The following JAKMIP2 variants were observed in gnomAD, a reference collection of about 807,000 sequenced individuals.
The protein encoded by JAKMIP2 is janus kinase and microtubule interacting protein 2.
A neutral mutation model predicts 115.0 loss-of-function variants in JAKMIP2; 25 were observed. That is an observed-to-expected ratio of 0.22 (90% CI 0.16 to 0.30). The LOEUF (loss-of-function observed/expected upper bound fraction) is 0.30, where lower values mean the gene tolerates loss of function less well. Among genes scored for constraint, JAKMIP2 ranks in the 10% least tolerant of loss-of-function variants. The probability of loss-of-function intolerance (pLI) is 1.00; values close to 1 mark genes in which losing one functional copy is unlikely to be tolerated. For synonymous variants in JAKMIP2, 334 were observed against 343.6 expected, an observed-to-expected ratio of 0.97 and a Z score of 0.31; for missense variants, 642 against 957.6, an observed-to-expected ratio of 0.67 and a Z score of 4.35.
chr5:147,608,318 T>C (rs999374745), intron 20 of JAKMIP2, among the ~76,000 whole-genome samples: 4 of 152,224 alleles, frequency 2.6e-5, no homozygotes, highest in Non-Finnish European at 4.4e-5. Context: ...TTTAGTGCTA[T>C]AAATTTCCCT....
chr5:147,600,118 G>A (rs548329756), intron 21 of JAKMIP2, among the ~76,000 whole-genome samples: 208 of 137,342 alleles, frequency 1.5e-3, no homozygotes, highest in Middle Eastern at 3.9e-3. Flanking sequence ...TTTTGGTGGG[G>A]GGAGGCTGTT....
intron 20 of JAKMIP2, among the ~76,000 whole-genome samples, chr5:147,606,535 G>T (rs1390041138): frequency 6.6e-6 from 1 of 152,034 alleles, no homozygotes; most frequent in East Asian, 1.9e-4. Context: ...CTGTTCCATT[G>T]GTCTATATAT....
intron 1 of JAKMIP2, among the ~76,000 whole-genome samples, chr5:147,745,022 C>T (rs1012929636): frequency 4.1e-5 from 6 of 146,872 alleles, no homozygotes; most frequent in African/African-American, 7.6e-5. Flanking sequence ...CATGCCACTG[C>T]GCTCCAACCT....
intron 1 of JAKMIP2, among the ~76,000 whole-genome samples, chr5:147,778,019 T>A (rs1308307299): frequency 6.6e-6 from 1 of 152,124 alleles, no homozygotes; most frequent in Admixed American, 6.5e-5. Flanking sequence ...GGTGGAGAGA[T>A]AATTAGGACA....
intron 1 of JAKMIP2, among the ~76,000 whole-genome samples, chr5:147,722,155 A>T (rs1236989789): frequency 6.6e-6 from 1 of 152,224 alleles, no homozygotes; most frequent in Non-Finnish European, 1.5e-5. Context: ...ATTTTAAAAA[A>T]TCAACCGATT....
intron 21 of JAKMIP2, among the ~76,000 whole-genome samples, chr5:147,597,047 ATT>A (rs34946624): frequency 0.94 from 136,155 of 145,308 alleles, 64,082 homozygotes; most frequent in Non-Finnish European, 0.99. Flanking sequence ...TAATTTTTGT[ATT>A]TTTTTTTTTT....
At chr5:147,759,415 C>T (rs1754855052) in intron 1 of JAKMIP2, among the ~76,000 whole-genome samples, 1 of 152,056 alleles carries the variant, frequency 6.6e-6, no homozygotes, top group African/African-American at 2.4e-5. Context: ...GAACTCTGAT[C>T]TAGAGCATTT....
rs79616096 is a variant in JAKMIP2, at chr5:147,616,080, C to A, written c.2346+1831G>T. Among the ~76,000 whole-genome samples, 455 of 152,168 alleles carry A rather than the reference C, an allele frequency of 3.0e-3. 5 individuals are homozygous for A. The highest frequency in any genetic ancestry group is 9.5e-3 in the African/African-American group (394 of 41,502). On this transcript the variant is annotated intron_variant, in intron 19 of 21. Coordinates refer to ENST00000616793, the MANE Select transcript of JAKMIP2 (RefSeq NM_001270941.2). Reference sequence around the variant, plus strand: ...ATTTGAGATATGGTAATTCTACTGACTAAGACAGGCAGATGGGGAGAGAGA... The same window carrying A: ...ATTTGAGATATGGTAATTCTACTGAATAAGACAGGCAGATGGGGAGAGAGA...
chr5:147,746,182 A>G (rs1754341229), intron 1 of JAKMIP2, among the ~76,000 whole-genome samples: 1 of 152,190 alleles, frequency 6.6e-6, no homozygotes, highest in African/African-American at 2.4e-5. Flanking sequence ...CAGAGGAAAT[A>G]GGTATATTTA....
chr5:147,618,529 G>C (rs142301907), intron 18 of JAKMIP2, among the ~76,000 whole-genome samples: 227 of 152,244 alleles, frequency 1.5e-3, no homozygotes, highest in African/African-American at 5.2e-3. Context: ...CTGAGGTCAG[G>C]AGTTCGAGAC....
At position 147,588,116 on chromosome 5, in the gene JAKMIP2, G is replaced by A. The variant is rs1252698601; in HGVS notation, c.*3591C>T. 6.6e-6 allele frequency: 1 copy of A among 152,058 alleles called. No homozygotes were observed. Among genetic ancestry groups the A allele is most frequent in the African/African-American group, 2.4e-5 (1 of 41,404 alleles). The allele number at this position is 152,058 out of a possible 1,614,324, so 9.4% of individuals were successfully genotyped here. Reference sequence around the variant, plus strand: ...AAAGAAAAGTTTGACATTCAATTTAGTAATAGATGCTTTTTAAGTATGATA... The same window carrying A: ...AAAGAAAAGTTTGACATTCAATTTAATAATAGATGCTTTTTAAGTATGATA... On this transcript the variant is annotated 3_prime_UTR_variant, in exon 22 of 22. Coordinates refer to ENST00000616793, the MANE Select transcript of JAKMIP2 (RefSeq NM_001270941.2).
intron 18 of JAKMIP2, among the ~76,000 whole-genome samples, chr5:147,619,932 A>C (rs1756769010): frequency 6.6e-6 from 1 of 152,222 alleles, no homozygotes; most frequent in Non-Finnish European, 1.5e-5. Flanking sequence ...TGTAAGAGAT[A>C]AATGAATTAA....
chr5:147,638,764 T>C (rs1757743073), intron 10 of JAKMIP2, among the ~76,000 whole-genome samples: 1 of 152,062 alleles, frequency 6.6e-6, no homozygotes, highest in Non-Finnish European at 1.5e-5. Flanking sequence ...CTGGTGATTA[T>C]GACTGTGAAG....
chr5:147,695,202 T>C (rs1156972715), intron 1 of JAKMIP2, among the ~76,000 whole-genome samples: 1 of 152,166 alleles, frequency 6.6e-6, no homozygotes, highest in Non-Finnish European at 1.5e-5. Flanking sequence ...CAGTTGCCAA[T>C]GATCCAACTA....
chr5:147,747,315 A>G (rs1301513972), intron 1 of JAKMIP2, among the ~76,000 whole-genome samples: 2 of 152,168 alleles, frequency 1.3e-5, no homozygotes, highest in Non-Finnish European at 2.9e-5. Context: ...ACATCCCTAC[A>G]AGAAAAATGC....
At chr5:147,703,248 T>G (rs919835277) in intron 1 of JAKMIP2, among the ~76,000 whole-genome samples, 2 of 152,166 alleles carry the variant, frequency 1.3e-5, no homozygotes, top group African/African-American at 4.8e-5. Flanking sequence ...CCAGGCTATA[T>G]GTTATAGCCT....
chr5:147,713,429 A>G (rs1752856113), intron 1 of JAKMIP2, among the ~76,000 whole-genome samples: 1 of 152,204 alleles, frequency 6.6e-6, no homozygotes, highest in Admixed American at 6.5e-5. Flanking sequence ...GGATCAGTTT[A>G]CTTAAAACAG....
intron 1 of JAKMIP2, among the ~76,000 whole-genome samples, chr5:147,773,389 C>A (rs1400002282): frequency 6.6e-6 from 1 of 152,106 alleles, no homozygotes; most frequent in Non-Finnish European, 1.5e-5. Context: ...CAGTTGACTA[C>A]ACGGCCAAAG....
intron 16 of JAKMIP2, among the ~76,000 whole-genome samples, chr5:147,627,717 T>C (rs1254469892): frequency 6.8e-6 from 1 of 147,202 alleles, no homozygotes; most frequent in Non-Finnish European, 1.5e-5. Context: ...CACAAGGTTA[T>C]TGGTACACTT....
Sources: allele counts gnomAD v4.1 joint callset (sites outside exome capture counted in the v4.1 genomes callset), GRCh38; gene constraint gnomAD v4.1.1; transcripts MANE v1.5; gene names NCBI Gene and HGNC (gene_info 2026-07-23, HGNC 2026-07-21).